Variants in CDON observed in about 807,000 individuals in gnomAD.
The protein encoded by CDON is cell adhesion associated, oncogene regulated, also known as cell adhesion molecule-related/down-regulated by oncogenes.
CDON carries 73 observed loss-of-function variants against 120.9 expected under a neutral mutation model. The ratio of observed to expected loss-of-function variants is 0.60; its 90% CI spans 0.50 to 0.73. CDON has a LOEUF of 0.73. Ranked by LOEUF, CDON falls within the 30% of genes least tolerant of loss-of-function variation. The pLI, the probability that CDON is intolerant of heterozygous loss-of-function variation, is 0.00. For missense variants in CDON, 1,470 were observed against 1,587.3 expected (o/e 0.93, Z 1.26); for synonymous variants, 566 against 573.5 (o/e 0.99, Z 0.19).
intron 11 of CDON, among the ~76,000 whole-genome samples, chr11:125,998,109 A>G (rs1160547364): frequency 6.6e-6 from 1 of 152,214 alleles, no homozygotes; most frequent in Non-Finnish European, 1.5e-5. Context: ...TTCACTTAGC[A>G]CTGCCAAGGA....
At chr11:126,010,779 G>T in intron 7 of CDON, 85 bp from the exon 8 acceptor site, 1 of 1,104,770 alleles carries the variant, frequency 9.1e-7, no homozygotes, top group South Asian at 1.3e-5. Context: ...TCACGTAAAT[G>T]TGGGAGTAAT....
Position 125,956,876 on chromosome 11 carries a change from G to A in CDON, c.*4066C>T. ...ATAAGGGGTTTCGGCTACCCTCAAA[G>A]CTCTCAGGACTGGGGCTAGGGTTTA... is the stretch of plus-strand genomic sequence containing the variant. On this transcript the variant is annotated 3_prime_UTR_variant, in exon 20 of 20. Coordinates refer to ENST00000531738, the MANE Select transcript of CDON (RefSeq NM_001378964.1). 1 of 985,200 alleles carries A rather than the reference G, an allele frequency of 1.0e-6. No individual in the cohort carries two copies. Among genetic ancestry groups the A allele is most frequent in the Non-Finnish European group, 1.2e-6 (1 of 829,690 alleles). The allele number at this position is 985,200 out of a possible 1,614,324, so 61.0% of individuals were successfully genotyped here.
intron 1 of CDON, among the ~76,000 whole-genome samples, chr11:126,048,893 G>A (rs1442483134): frequency 6.6e-6 from 1 of 152,074 alleles, no homozygotes; most frequent in Non-Finnish European, 1.5e-5. Context: ...AGTAGAGACG[G>A]AGTTTCTCCA....
At chr11:126,060,380 A>T (rs1172244390) in intron 1 of CDON, among the ~76,000 whole-genome samples, 1 of 152,192 alleles carries the variant, frequency 6.6e-6, no homozygotes, top group Non-Finnish European at 1.5e-5. Context: ...ATCATGCCAT[A>T]GCTGATCACA....
rs116963882 is a variant in CDON at position 125,975,277 on chromosome 11, C to A, written c.3356+3027G>T. Reference sequence around the variant, plus strand: ...AACGTGCTTCTTCAAACTCTACTCACTATATCCCTACCTCTGTCTGAGAAT... The same window carrying A: ...AACGTGCTTCTTCAAACTCTACTCAATATATCCCTACCTCTGTCTGAGAAT... On this transcript the variant is annotated intron_variant, in intron 18 of 19. Coordinates refer to ENST00000531738, the MANE Select transcript of CDON (RefSeq NM_001378964.1). 9.5e-3 allele frequency among the ~76,000 whole-genome samples: 1,454 copies of A among 152,328 alleles called. 55 individuals are homozygous for A. Among genetic ancestry groups the A allele is most frequent in the East Asian group, 0.094 (487 of 5,182 alleles).
intron 1 of CDON, among the ~76,000 whole-genome samples, chr11:126,047,737 C>A (rs550093303): frequency 1.5e-4 from 23 of 152,250 alleles, no homozygotes; most frequent in African/African-American, 5.3e-4. Flanking sequence ...TATGGTGGAG[C>A]CTGGCTTTGA....
intron 7 of CDON, among the ~76,000 whole-genome samples, chr11:126,014,436 G>C (rs1182705476): frequency 6.6e-6 from 1 of 152,166 alleles, no homozygotes; most frequent in Non-Finnish European, 1.5e-5. Context: ...GAGGGTTTGA[G>C]GAAACAAGGA....
intron 6 of CDON, among the ~76,000 whole-genome samples, 156 bp from the exon 7 acceptor site, chr11:126,015,666 A>T (rs1274088371): frequency 6.6e-6 from 1 of 152,218 alleles, no homozygotes; most frequent in Non-Finnish European, 1.5e-5. Flanking sequence ...ATCAAGAAAA[A>T]AATTAGAAAT....
intron 1 of CDON, among the ~76,000 whole-genome samples, chr11:126,036,638 A>T (rs1948103954): frequency 6.6e-6 from 1 of 152,248 alleles, no homozygotes; most frequent in South Asian, 2.1e-4. Flanking sequence ...TTCTGTGCAC[A>T]ACATGAGGGT....
chr11:126,048,726 G>A (rs534167632), intron 1 of CDON, among the ~76,000 whole-genome samples: 1 of 151,934 alleles, frequency 6.6e-6, no homozygotes, highest in South Asian at 2.1e-4. Context: ...TTTCTGAGAT[G>A]GAGTTTCACT....
intron 15 of CDON, among the ~76,000 whole-genome samples, chr11:125,988,540 G>A (rs1320324343): frequency 6.6e-6 from 1 of 152,176 alleles, no homozygotes; most frequent in Non-Finnish European, 1.5e-5. Context: ...CTTCTGGGCT[G>A]CTTATTTTGG....
At chr11:125,985,830 G>C (rs571731708) in intron 15 of CDON, among the ~76,000 whole-genome samples, 2 of 151,732 alleles carry the variant, frequency 1.3e-5, no homozygotes, top group Non-Finnish European at 2.9e-5. Context: ...GTGCTGGAGA[G>C]GATGTGGAGA....
intron 10 of CDON, 93 bp from the exon 11 acceptor site, chr11:126,001,943 T>G: frequency 1.1e-6 from 1 of 907,724 alleles, no homozygotes; most frequent in Non-Finnish European, 1.8e-6. Flanking sequence ...TGGTATGTGG[T>G]TATAAATTTA....
intron 16 of CDON, among the ~76,000 whole-genome samples, chr11:125,981,970 CTTTTTTTTTTTTTTTT>C (rs61446837): frequency 1.1e-4 from 6 of 54,298 alleles, no homozygotes; most frequent in East Asian, 1.2e-3. Flanking sequence ...ATTCTATTTT[CTTTTTTTTTTTTTTTT>C]TTTTTTTTTT....
At chr11:125,970,182 T>G (rs1347744477) in intron 18 of CDON, among the ~76,000 whole-genome samples, 17 of 147,134 alleles carry the variant, frequency 1.2e-4, no homozygotes, top group Admixed American at 6.8e-4. Flanking sequence ...GTTTTTTTTT[T>G]TTTTTTTTTT....
At chr11:126,012,717 T>G (rs1215999952) in intron 7 of CDON, among the ~76,000 whole-genome samples, 3 of 152,156 alleles carry the variant, frequency 2.0e-5, no homozygotes, top group Non-Finnish European at 4.4e-5. Context: ...CCAAGGCAAC[T>G]GATTTTTGTT....
intron 1 of CDON, among the ~76,000 whole-genome samples, chr11:126,042,935 A>G (rs1200009014): frequency 6.6e-6 from 1 of 152,106 alleles, no homozygotes; most frequent in Non-Finnish European, 1.5e-5. Context: ...TTTTACATAC[A>G]TTATTGAGGC....
chr11:126,037,263 G>A (rs1948125941), intron 1 of CDON, among the ~76,000 whole-genome samples: 2 of 151,986 alleles, frequency 1.3e-5, no homozygotes, highest in South Asian at 4.1e-4. Flanking sequence ...ACCATGCTCG[G>A]CTAATTTTTG....
chr11:125,990,266 G>T (rs7925077), intron 14 of CDON, among the ~76,000 whole-genome samples: 6,778 of 152,202 alleles, frequency 0.045, 243 homozygotes, highest in Admixed American at 0.11. Context: ...ACTGACATAT[G>T]ACCGAATGCC....
Sources: allele counts gnomAD v4.1 joint callset (sites outside exome capture counted in the v4.1 genomes callset), GRCh38; gene constraint gnomAD v4.1.1; transcripts MANE v1.5; gene names NCBI Gene and HGNC (gene_info 2026-07-23, HGNC 2026-07-21).